The following JAZF1 variants were observed in gnomAD, a reference collection of about 807,000 sequenced individuals.
JAZF1 encodes JAZF zinc finger 1.
JAZF1 carries 8 observed loss-of-function variants against 26.4 expected under a neutral mutation model. That is an observed-to-expected ratio of 0.30 (90% CI 0.18 to 0.55). The LOEUF (loss-of-function observed/expected upper bound fraction) is 0.55, where lower values mean the gene tolerates loss of function less well. Ranked by LOEUF, JAZF1 falls within the 20% of genes least tolerant of loss-of-function variation. The pLI is 0.94. For synonymous variants in JAZF1, 126 were observed against 122.3 expected (o/e 1.03, Z -0.20); for missense variants, 199 against 322.0 (o/e 0.62, Z 2.92).
chr7:27,865,306 G>A (rs1783454641), intron 3 of JAZF1, among the ~76,000 whole-genome samples: 1 of 152,142 alleles, frequency 6.6e-6, no homozygotes, highest in African/African-American at 2.4e-5. Flanking sequence ...GGGAGGTTGA[G>A]GCTGCAGTGA....
At chr7:27,846,561 A>G (rs1269171920) in intron 3 of JAZF1, 4 of 470,978 alleles carry the variant, frequency 8.5e-6, no homozygotes, top group Admixed American at 2.3e-5. Flanking sequence ...TAGGTATATA[A>G]CCAGAAGAGG....
chr7:27,860,344 G>C (rs1319633478), intron 3 of JAZF1, among the ~76,000 whole-genome samples: 1 of 152,176 alleles, frequency 6.6e-6, no homozygotes, highest in Non-Finnish European at 1.5e-5. Context: ...ACAACATTAA[G>C]TGAGGCCTTC....
intron 3 of JAZF1, among the ~76,000 whole-genome samples, chr7:27,890,011 G>A (rs987424130): frequency 8.5e-5 from 13 of 152,090 alleles, no homozygotes; most frequent in African/African-American, 3.1e-4. Context: ...GATAATTGTG[G>A]TTAGTGCCTA....
At chr7:28,175,380 C>G (rs1783533493) in intron 1 of JAZF1, among the ~76,000 whole-genome samples, 1 of 152,220 alleles carries the variant, frequency 6.6e-6, no homozygotes, top group South Asian at 2.1e-4. Context: ...TAGACTCTGA[C>G]AGTAGGATTA....
intron 1 of JAZF1, among the ~76,000 whole-genome samples, chr7:28,072,158 A>C (rs1783987870): frequency 6.6e-6 from 1 of 152,212 alleles, no homozygotes; most frequent in African/African-American, 2.4e-5. Flanking sequence ...GGCTTCACAC[A>C]CAGTTTGCAC....
In JAZF1 at chr7:28,090,045, G is replaced by A. The variant is rs1402541333; in HGVS notation, c.115+90418C>T. Among the ~76,000 whole-genome samples, 4 of 152,358 alleles carry A rather than the reference G, an allele frequency of 2.6e-5. 1 individual carries two copies. Among genetic ancestry groups the A allele is most frequent in the Non-Finnish European group, 1.5e-5 (1 of 68,036 alleles). ...TTAACCACAGGTACCATCAAATCCA[G>A]TATGGTGCCATTGTCAGTCAAGAAT... On this transcript the variant is annotated intron_variant, in intron 1 of 4. Transcript: ENST00000283928.
intron 1 of JAZF1, among the ~76,000 whole-genome samples, chr7:28,156,993 T>A (rs939895871): frequency 1.3e-5 from 2 of 152,248 alleles, no homozygotes; most frequent in Admixed American, 6.5e-5. Flanking sequence ...GTCTTCAATA[T>A]CCATTAAGAT....
chr7:28,090,817 G>GTTTTTTTTTTTTTTTT (rs11367530), intron 1 of JAZF1, among the ~76,000 whole-genome samples: 1 of 101,806 alleles, frequency 9.8e-6, no homozygotes, highest in Non-Finnish European at 2.0e-5. Flanking sequence ...TTTTTTAGTT[G>GTTTTTTTTTTTTTTTT]TTTTTTTTTT....
At position 28,107,913 on chromosome 7, in the gene JAZF1, C is replaced by T. The variant is rs991714407; in HGVS notation, c.115+72550G>A. On this transcript the variant is annotated intron_variant, in intron 1 of 4. Coordinates refer to ENST00000283928, the MANE Select transcript of JAZF1 (RefSeq NM_175061.4). ...CTACAAATGAAACCAGAGACATAAG[C>T]GTAAAGGCTTAGGATCCAGCACCAC... Among the ~76,000 whole-genome samples the T allele has an allele frequency of 7.2e-5, 11 of 152,114 alleles. No individual in the cohort carries two copies. In the South Asian group the frequency reaches 8.3e-4, roughly 11 times the overall value.
chr7:27,856,280 T>C (rs961114066), intron 3 of JAZF1, among the ~76,000 whole-genome samples: 2 of 152,158 alleles, frequency 1.3e-5, no homozygotes, highest in Non-Finnish European at 2.9e-5. Context: ...ACATCTGCAA[T>C]TGTTTGTTCC....
chr7:27,898,917 C>T (rs1241041015), intron 2 of JAZF1, among the ~76,000 whole-genome samples: 1 of 152,074 alleles, frequency 6.6e-6, no homozygotes, highest in Non-Finnish European at 1.5e-5. Flanking sequence ...AGGTACACAG[C>T]TGCACAATTT....
At chr7:28,060,380 GA>G (rs1783779851) in intron 1 of JAZF1, among the ~76,000 whole-genome samples, 1 of 152,172 alleles carries the variant, frequency 6.6e-6, no homozygotes, top group Non-Finnish European at 1.5e-5. Flanking sequence ...TGAGATTTTT[GA>G]ATGGGAGCTA....
chr7:27,885,889 G>C (rs1373743918), intron 3 of JAZF1, among the ~76,000 whole-genome samples: 1 of 152,116 alleles, frequency 6.6e-6, no homozygotes, highest in Non-Finnish European at 1.5e-5. Flanking sequence ...GCCAGGGCTG[G>C]TGAAATATTG....
chr7:27,988,920 T>TTAAA (rs1491143617), intron 2 of JAZF1, among the ~76,000 whole-genome samples: 1 of 83,770 alleles, frequency 1.2e-5, no homozygotes, highest in African/African-American at 4.6e-5. Context: ...AGAATCTCTG[T>TTAAA]AAAAAAAAAA....
At chr7:27,936,944 G>A (rs10486567) in intron 2 of JAZF1, among the ~76,000 whole-genome samples, 44,396 of 152,122 alleles carry the variant, frequency 0.29, 7,730 homozygotes, top group East Asian at 0.87. Context: ...CTAAGTTTAA[G>A]TATCCCATTA....
intron 1 of JAZF1, among the ~76,000 whole-genome samples, chr7:28,131,011 A>G (rs1782784599): frequency 6.6e-6 from 1 of 152,176 alleles, no homozygotes; most frequent in Non-Finnish European, 1.5e-5. Context: ...TAATTTTCTG[A>G]GAATTATTGG....
At chr7:27,971,197 T>C (rs1288288309) in intron 2 of JAZF1, among the ~76,000 whole-genome samples, 1 of 152,206 alleles carries the variant, frequency 6.6e-6, no homozygotes, top group African/African-American at 2.4e-5. Context: ...GCTGGACGGC[T>C]TTGGGTGTCG....
chr7:28,101,163 C>T (rs1358532561), intron 1 of JAZF1, among the ~76,000 whole-genome samples: 2 of 152,148 alleles, frequency 1.3e-5, no homozygotes, highest in Non-Finnish European at 2.9e-5. Context: ...ACAGGTGGAA[C>T]CCTTTTTTTA....
At chr7:28,136,810 T>C (rs748451659) in intron 1 of JAZF1, among the ~76,000 whole-genome samples, 23 of 152,064 alleles carry the variant, frequency 1.5e-4, no homozygotes, top group Admixed American at 7.2e-4. Flanking sequence ...ACCCAGCCTA[T>C]GGTGAGGAAG....
Sources: gnomAD v4.1 joint callset for allele counts (sites outside exome capture counted in the v4.1 genomes callset) on GRCh38, gnomAD v4.1.1 for gene constraint, MANE v1.5 for transcripts, NCBI Gene and HGNC (gene_info 2026-07-23, HGNC 2026-07-21) for gene names.